SYT2: variants seen among roughly 807,000 people sequenced by gnomAD.
The protein encoded by SYT2 is synaptotagmin-2.
A neutral mutation model predicts 39.9 loss-of-function variants in SYT2; 15 were observed. That is an observed-to-expected ratio of 0.38 (90% confidence interval 0.25 to 0.58). The LOEUF (loss-of-function observed/expected upper bound fraction) is 0.58. Ranked by LOEUF, SYT2 falls within the 20% of genes least tolerant of loss-of-function variation. The pLI is 0.70. For missense variants in SYT2, 389 were observed against 530.3 expected (o/e 0.73, Z 2.62); for synonymous variants, 181 against 204.5 (o/e 0.89, Z 0.98).
In SYT2 at chr1:202,601,027, C is replaced by T. The variant is rs184949133; in HGVS notation, c.802-553G>A. ...ATTTGCATCCCTTTTGTTACTATCA[C>T]TGCAACTCTTTGATGTAAACAAGAC... is the stretch of plus-strand genomic sequence containing the variant. On this transcript the variant is annotated intron_variant, in intron 6 of 8. Coordinates refer to ENST00000367268, the MANE Select transcript of SYT2 (RefSeq NM_177402.5). The surrounding 1 kb of genome is among the most constrained non-coding windows in gnomAD (Gnocchi z 4.0). Among the ~76,000 whole-genome samples the T allele has an allele frequency of 3.3e-5, 5 of 152,324 alleles. No individual in the cohort carries two copies. The highest frequency in any genetic ancestry group is 1.9e-4 in the East Asian group (1 of 5,190).
At chr1:202,687,666 C>CAAAAAAAAAAAAAAAAAA (rs59844832) in intron 1 of SYT2, among the ~76,000 whole-genome samples, 1 of 83,986 alleles carries the variant, frequency 1.2e-5, no homozygotes, top group African/African-American at 5.3e-5. Context: ...AACTCCATCT[C>CAAAAAAAAAAAAAAAAAA]AAAAAAAAAA....
rs1214060044 is a variant in SYT2, at chr1:202,590,797, C to T, written c.*5960G>A. On this transcript the variant is annotated 3_prime_UTR_variant, in exon 9 of 9. Coordinates refer to ENST00000367268, the MANE Select transcript of SYT2 (RefSeq NM_177402.5). The stretch of plus-strand genomic sequence containing the variant: ...AAGGCAGGGCTCCTGGTGGGCTGAC[C>T]TTGGCGAAGCTAGGCTCTGCCAGGC... The T allele has an allele frequency of 1.3e-5, 2 of 152,054 alleles. No individual in the cohort carries two copies. The highest frequency in any genetic ancestry group is 2.1e-4 in the South Asian group (1 of 4,814). The allele number at this position is 152,054 out of a possible 1,614,324, so 9.4% of individuals were successfully genotyped here. A position where few individuals can be genotyped will look rare whatever the true frequency, so the allele number is the denominator to read the frequency against.
At chr1:202,675,659 A>T (rs1653347072) in intron 1 of SYT2, among the ~76,000 whole-genome samples, 2 of 152,142 alleles carry the variant, frequency 1.3e-5, no homozygotes, top group Admixed American at 1.3e-4. Flanking sequence ...CAAGAATGGG[A>T]CATACTCATT....
At position 202,699,930 on chromosome 1, in the gene SYT2, A is replaced by G. The variant is rs371348948; in HGVS notation, c.-18+10328T>C. 6.6e-5 allele frequency among the ~76,000 whole-genome samples: 10 copies of G among 152,282 alleles called. No homozygotes were observed. In the South Asian group the frequency reaches 1.0e-3, roughly 16 times the overall value. ...TCCCTCTCTGGGCCTTGTCTTTAAA[A>G]TAAAGAGCTGGACTACAAAGTTTTG... is the stretch of plus-strand genomic sequence containing the variant. On this transcript the variant is annotated intron_variant, in intron 1 of 8. Transcript: ENST00000367268.
chr1:202,650,803 G>A (rs1692177037), intron 1 of SYT2, among the ~76,000 whole-genome samples: 1 of 152,202 alleles, frequency 6.6e-6, no homozygotes, highest in South Asian at 2.1e-4. Flanking sequence ...GAGCCTCCAT[G>A]GGGGTTAAGA....
At chr1:202,640,762 G>C (rs974983522) in intron 1 of SYT2, among the ~76,000 whole-genome samples, 1 of 149,062 alleles carries the variant, frequency 6.7e-6, no homozygotes, top group African/African-American at 2.5e-5. Context: ...GAGAGAGAGA[G>C]AGAGAGAGAG....
intron 1 of SYT2, among the ~76,000 whole-genome samples, chr1:202,655,726 G>A (rs548912990): frequency 1.3e-5 from 2 of 152,304 alleles, no homozygotes; most frequent in South Asian, 4.1e-4. Context: ...AAATGGGCAT[G>A]CGCTTGCGAG....
At chr1:202,668,729 A>G (rs113975251) in intron 1 of SYT2, among the ~76,000 whole-genome samples, 1,781 of 152,338 alleles carry the variant, frequency 0.012, 27 homozygotes, top group African/African-American at 0.041. Context: ...ATAAGAGCTC[A>G]TGGCCACCAA....
At chr1:202,699,025 T>G (rs2149120724) in intron 1 of SYT2, among the ~76,000 whole-genome samples, 1 of 147,684 alleles carries the variant, frequency 6.8e-6, no homozygotes, top group South Asian at 2.3e-4. Context: ...TTTTTTTTTT[T>G]TTTTTTTTGA....
chr1:202,656,113 C>A (rs182700713), intron 1 of SYT2, among the ~76,000 whole-genome samples: 2 of 150,264 alleles, frequency 1.3e-5, no homozygotes, highest in Non-Finnish European at 3.0e-5. Flanking sequence ...TGGGGGAAAG[C>A]GGGCTTTGGA....
chr1:202,617,399 C>T (rs1691075573), intron 1 of SYT2, among the ~76,000 whole-genome samples: 1 of 152,226 alleles, frequency 6.6e-6, no homozygotes, highest in East Asian at 1.9e-4. Flanking sequence ...CCTCTTCCTC[C>T]TGCTCTGGCC....
chr1:202,700,015 T>G (rs942735628), intron 1 of SYT2, among the ~76,000 whole-genome samples: 4 of 152,114 alleles, frequency 2.6e-5, no homozygotes, highest in African/African-American at 9.7e-5. Flanking sequence ...AATTCCAGTA[T>G]AAGAACCTCA....
Position 202,649,186 on chromosome 1 carries a change from G to A in SYT2, c.-17-43397C>T, listed in dbSNP as rs566849769. Among the ~76,000 whole-genome samples, 3 of 152,360 alleles carry A rather than the reference G, an allele frequency of 2.0e-5. No individual in the cohort carries two copies. The South Asian group carries it at 6.2e-4, about 32-fold the overall frequency. Reference sequence around the variant, plus strand: ...TGCAGCAGCTTTGGACAGTGGCGGTGCTGGAGGAACTGGAGACACTGAAAC... The same window carrying A: ...TGCAGCAGCTTTGGACAGTGGCGGTACTGGAGGAACTGGAGACACTGAAAC... On this transcript the variant is annotated intron_variant, in intron 1 of 8. Coordinates refer to ENST00000367268, the MANE Select transcript of SYT2 (RefSeq NM_177402.5).
intron 1 of SYT2, among the ~76,000 whole-genome samples, chr1:202,642,750 G>A (rs1189366437): frequency 6.6e-6 from 1 of 152,176 alleles, no homozygotes; most frequent in African/African-American, 2.4e-5. Context: ...CCAGTGTCGC[G>A]CGAGCATGGT....
Position 202,596,965 on chromosome 1 carries a change from T to C in SYT2, c.1054-2A>G. ...CACGGTGACCACTACCTGGACTTTC[T>C]GCAAGGAAAACGAGGGAGGGAGTTG... On this transcript the variant is annotated splice_acceptor_variant, in intron 8 of 8. Coordinates refer to ENST00000367268, the MANE Select transcript of SYT2 (RefSeq NM_177402.5). LOFTEE classifies it high-confidence loss of function. 1 of 1,612,150 alleles carries C rather than the reference T, an allele frequency of 6.2e-7. No homozygotes were observed. The highest frequency in any genetic ancestry group is 8.5e-7 in the Non-Finnish European group (1 of 1,178,488).
At chr1:202,644,448 C>T (rs1692030781) in intron 1 of SYT2, among the ~76,000 whole-genome samples, 1 of 150,952 alleles carries the variant, frequency 6.6e-6, no homozygotes, top group African/African-American at 2.4e-5. Context: ...ACCCTTGGGC[C>T]TCACCCTCAA....
chr1:202,689,252 C>T (rs777853320), intron 1 of SYT2, among the ~76,000 whole-genome samples: 10 of 152,200 alleles, frequency 6.6e-5, no homozygotes, highest in Non-Finnish European at 1.2e-4. Context: ...CACCACCTCA[C>T]ATGTGCAATG....
Position 202,698,902 on chromosome 1 carries a change from G to A in SYT2, c.-18+11356C>T, listed in dbSNP as rs531209309. Among the ~76,000 whole-genome samples the A allele has an allele frequency of 1.4e-4, 22 of 152,268 alleles. No individual in the cohort carries two copies. In the South Asian group the frequency reaches 4.6e-3, roughly 32 times the overall value. The stretch of plus-strand genomic sequence containing the variant: ...GTCCCCTACAAAAGACAGGCCAAGG[G>A]AAGCACTTCAGGTCCCCCATTTGTG... On this transcript the variant is annotated intron_variant, in intron 1 of 8. Transcript: ENST00000367268.
At chr1:202,638,912 C>T (rs2149095414) in intron 1 of SYT2, among the ~76,000 whole-genome samples, 1 of 152,360 alleles carries the variant, frequency 6.6e-6, no homozygotes, top group Middle Eastern at 3.4e-3. Context: ...GCAAAGCAAG[C>T]TGCCAGCCTC....
Sources: allele counts gnomAD v4.1 joint callset (sites outside exome capture counted in the v4.1 genomes callset), GRCh38; gene constraint gnomAD v4.1.1; non-coding constraint Gnocchi (gnomAD v3.1); transcripts MANE v1.5; gene names NCBI Gene and HGNC (gene_info 2026-07-23, HGNC 2026-07-21).